Variants in MYRIP observed in about 807,000 individuals in gnomAD.
MYRIP encodes the protein myosin VIIA and Rab interacting protein.
In MYRIP, 49 loss-of-function variants were observed where a neutral mutation model predicts 98.0. The observed-to-expected ratio is 0.50, with a 90% CI of 0.40 to 0.63. MYRIP has a LOEUF of 0.63. MYRIP is among the 30% of genes least tolerant of loss of function. The pLI, the probability that MYRIP is intolerant of heterozygous loss-of-function variation, is 0.00. For missense variants in MYRIP, 1,004 were observed against 1,058.2 expected (o/e 0.95, Z 0.71); for synonymous variants, 404 against 409.5 (o/e 0.99, Z 0.16).
At chr3:40,208,153 A>G (rs903171127) in intron 10 of MYRIP, among the ~76,000 whole-genome samples, 8 of 152,210 alleles carry the variant, frequency 5.3e-5, no homozygotes, top group African/African-American at 1.9e-4. Flanking sequence ...AAATGTTTCA[A>G]AAGATAGGAA....
At chr3:39,959,800 A>G (rs1301802584) in intron 2 of MYRIP, among the ~76,000 whole-genome samples, 5 of 152,120 alleles carry the variant, frequency 3.3e-5, no homozygotes, top group Admixed American at 6.6e-5. Context: ...TGTGTAACAT[A>G]TGTTGAATAA....
At chr3:40,050,254 G>C (rs185852012) in intron 3 of MYRIP, among the ~76,000 whole-genome samples, 3 of 152,148 alleles carry the variant, frequency 2.0e-5, no homozygotes, top group Non-Finnish European at 4.4e-5. Context: ...AGAACAGGCT[G>C]TCTTGTTAGG....
At chr3:39,865,160 G>T (rs866336931) in intron 1 of MYRIP, among the ~76,000 whole-genome samples, 1 of 152,262 alleles carries the variant, frequency 6.6e-6, no homozygotes, top group Middle Eastern at 3.4e-3. Context: ...GCTCAAGGTG[G>T]ATTACAGACT....
At chr3:40,124,763 G>T (rs1159446291) in intron 3 of MYRIP, among the ~76,000 whole-genome samples, 1 of 152,158 alleles carries the variant, frequency 6.6e-6, no homozygotes, top group African/African-American at 2.4e-5. Context: ...ACACAGCTGG[G>T]GAAGGGCAGC....
chr3:39,969,875 G>A (rs6809241), intron 2 of MYRIP, among the ~76,000 whole-genome samples: 71,334 of 151,838 alleles, frequency 0.47, 17,502 homozygotes, highest in African/African-American at 0.64. Flanking sequence ...AATTTTTTGG[G>A]ATGGTTTCTG....
At chr3:40,138,287 G>C (rs1183735445) in intron 3 of MYRIP, among the ~76,000 whole-genome samples, 2 of 152,124 alleles carry the variant, frequency 1.3e-5, no homozygotes, top group African/African-American at 2.4e-5. Context: ...TGAGTACCAA[G>C]GGTCTGGTCT....
chr3:40,171,620 C>G (rs1026255228), intron 8 of MYRIP, among the ~76,000 whole-genome samples: 1 of 152,224 alleles, frequency 6.6e-6, no homozygotes, highest in Admixed American at 6.5e-5. Context: ...GTCTCTGCCA[C>G]TCCTGGGGTA....
chr3:39,996,674 C>T (rs1182640343), intron 2 of MYRIP, among the ~76,000 whole-genome samples: 13 of 152,110 alleles, frequency 8.5e-5, no homozygotes, highest in Non-Finnish European at 4.4e-5. Context: ...AGCTCTGCAC[C>T]AAGTGGACCT....
intron 3 of MYRIP, among the ~76,000 whole-genome samples, chr3:40,112,171 T>C (rs1272935011): frequency 6.6e-6 from 1 of 151,198 alleles, no homozygotes; most frequent in African/African-American, 2.4e-5. Flanking sequence ...GGAGGGACTT[T>C]AGTGGATTAA....
intron 1 of MYRIP, among the ~76,000 whole-genome samples, chr3:39,847,854 C>A (rs1033550900): frequency 2.0e-5 from 3 of 152,180 alleles, no homozygotes; most frequent in East Asian, 1.9e-4. Context: ...CCCTCACCCC[C>A]CAAGGATTTC....
chr3:39,824,580 A>C (rs558485448), intron 1 of MYRIP, among the ~76,000 whole-genome samples: 19 of 151,878 alleles, frequency 1.3e-4, no homozygotes, highest in South Asian at 4.2e-4. Flanking sequence ...CTCCTTGGTT[A>C]TATTTATTTC....
intron 10 of MYRIP, among the ~76,000 whole-genome samples, chr3:40,201,636 T>G (rs573600059): frequency 1.3e-5 from 2 of 151,864 alleles, no homozygotes; most frequent in Non-Finnish European, 2.9e-5. Flanking sequence ...GGGTTCTCCA[T>G]GAGAGAACCT....
At chr3:39,934,755 C>T (rs753381552) in intron 2 of MYRIP, among the ~76,000 whole-genome samples, 35 of 152,082 alleles carry the variant, frequency 2.3e-4, no homozygotes, top group African/African-American at 7.7e-4. Flanking sequence ...CAGTATACAG[C>T]GAGGCATCCT....
At chr3:39,997,783 T>C (rs9855945) in intron 2 of MYRIP, among the ~76,000 whole-genome samples, 15,293 of 151,926 alleles carry the variant, frequency 0.1, 1,329 homozygotes, top group African/African-American at 0.23. Flanking sequence ...CAAAAATCCA[T>C]GATAAAATAC....
In MYRIP at chr3:40,190,245, C is replaced by T. The variant is rs377657833; in HGVS notation, c.1447C>T (p.Pro483Ser). ...GTTGCAGAGGAAGGCCCCCAGGAAC[C>T]CTGCAGCTGAGAAGATGCGCTTGCA... ...SWLQRKAPRNPAAEKMRLHGE... is the reference protein window; with the variant it reads ...SWLQRKAPRNSAAEKMRLHGE... Residue 483 changes from proline (P) to serine (S), a missense_variant, in exon 10 of 17, where the codon CCT (proline) becomes TCT (serine). Physicochemically the swap from Pro to Ser is moderately conservative, Grantham distance 74. Transcript: ENST00000302541. 3.7e-6 allele frequency: 6 copies of T among 1,614,050 alleles called. No individual in the cohort carries two copies. The highest frequency in any genetic ancestry group is 1.7e-5 in the Admixed American group (1 of 60,030).
At chr3:40,057,405 T>C (rs1947907062) in intron 3 of MYRIP, among the ~76,000 whole-genome samples, 1 of 152,140 alleles carries the variant, frequency 6.6e-6, no homozygotes, top group Non-Finnish European at 1.5e-5. Context: ...ATGAAAAATA[T>C]CTCTTTTCTA....
At chr3:40,117,583 A>G (rs1949311445) in intron 3 of MYRIP, among the ~76,000 whole-genome samples, 1 of 152,208 alleles carries the variant, frequency 6.6e-6, no homozygotes, top group South Asian at 2.1e-4. Flanking sequence ...TATTGGCACA[A>G]CTAAGAAAAT....
intron 3 of MYRIP, among the ~76,000 whole-genome samples, chr3:40,136,392 T>G (rs979783773): frequency 1.3e-5 from 2 of 152,152 alleles, no homozygotes; most frequent in Admixed American, 6.5e-5. Flanking sequence ...AGCAAGGCCT[T>G]AGAAACCTAC....
intron 3 of MYRIP, among the ~76,000 whole-genome samples, chr3:40,062,825 C>G (rs758633880): frequency 6.6e-6 from 1 of 152,138 alleles, no homozygotes; most frequent in South Asian, 2.1e-4. Context: ...CTGGTAGCAT[C>G]GTGTGCCATT....
Sources: allele counts gnomAD v4.1 joint callset (sites outside exome capture counted in the v4.1 genomes callset), GRCh38; gene constraint gnomAD v4.1.1; transcripts MANE v1.5; gene names NCBI Gene and HGNC (gene_info 2026-07-23, HGNC 2026-07-21).